Variants in ARMH4 observed in about 807,000 individuals in gnomAD.
The protein encoded by ARMH4 is armadillo-like helical domain-containing protein 4.
In ARMH4, 49 loss-of-function variants were observed where a neutral mutation model predicts 61.9. The ratio of observed to expected loss-of-function variants is 0.79; its 90% CI spans 0.63 to 1.00. ARMH4 has a LOEUF of 1.00. Among genes scored for constraint, ARMH4 ranks in the 50% least tolerant of loss-of-function variants. The probability of loss-of-function intolerance (pLI) is 0.00; values close to 1 mark genes in which losing one functional copy is unlikely to be tolerated. For missense variants in ARMH4, 934 were observed against 930.0 expected (o/e 1.00, Z -0.06); for synonymous variants, 368 against 341.5 (o/e 1.08, Z -0.85).
In ARMH4 at chr14:58,003,886, A is replaced by G. The variant is rs1882065660; in HGVS notation, c.*850T>C. On this transcript the variant is annotated 3_prime_UTR_variant, in exon 8 of 8. Transcript: ENST00000267485. Reference sequence around the variant, plus strand: ...GCATAGAACCAAATGGCAGACAGAAATGCTCTGAGAGCTTACCTACCCTCA... The same window carrying G: ...GCATAGAACCAAATGGCAGACAGAAGTGCTCTGAGAGCTTACCTACCCTCA... 6.6e-6 allele frequency: 1 copy of G among 152,220 alleles called. No individual in the cohort carries two copies. The highest frequency in any genetic ancestry group is 1.5e-5 in the Non-Finnish European group (1 of 68,038). The allele number at this position is 152,220 out of a possible 1,614,324, so 9.4% of individuals were successfully genotyped here.
intron 1 of ARMH4, among the ~76,000 whole-genome samples, chr14:58,148,510 G>A (rs989434179): frequency 2.6e-5 from 4 of 152,122 alleles, no homozygotes; most frequent in African/African-American, 4.8e-5. Flanking sequence ...CACCTCAAAT[G>A]AGATTATGTT....
chr14:58,079,117 G>T (rs1373951737), intron 5 of ARMH4, among the ~76,000 whole-genome samples: 1 of 152,124 alleles, frequency 6.6e-6, no homozygotes, highest in African/African-American at 2.4e-5. Context: ...CTGTAAATGA[G>T]GAATAATGAT....
At chr14:58,077,003 C>T (rs973814892) in intron 5 of ARMH4, among the ~76,000 whole-genome samples, 4 of 152,196 alleles carry the variant, frequency 2.6e-5, no homozygotes, top group African/African-American at 9.7e-5. Context: ...ATACCATAAT[C>T]TTGCTTAGCT....
At chr14:58,071,413 C>T (rs1230480617) in intron 5 of ARMH4, among the ~76,000 whole-genome samples, 1 of 152,040 alleles carries the variant, frequency 6.6e-6, no homozygotes, top group African/African-American at 2.4e-5. Context: ...GATAGAATAA[C>T]TTCATGTTTC....
intron 3 of ARMH4, 33 bp from the exon 4 acceptor site, chr14:58,131,754 A>G: frequency 6.3e-7 from 1 of 1,584,462 alleles, no homozygotes; most frequent in East Asian, 2.2e-5. Flanking sequence ...CTTGACCCAC[A>G]AGATAATCAT....
chr14:58,131,811 T>A (rs144968442), intron 3 of ARMH4, 90 bp from the exon 4 acceptor site: 2 of 1,245,644 alleles, frequency 1.6e-6, no homozygotes, highest in East Asian at 4.6e-5. Flanking sequence ...CAAGAAATGA[T>A]TAAACCAATA....
intron 4 of ARMH4, among the ~76,000 whole-genome samples, chr14:58,115,629 T>C (rs1164068881): frequency 6.6e-6 from 1 of 152,222 alleles, no homozygotes; most frequent in Non-Finnish European, 1.5e-5. Flanking sequence ...CATATGTCCA[T>C]ACCAGCACCA....
chr14:58,058,692 T>C (rs780945549), intron 5 of ARMH4, among the ~76,000 whole-genome samples: 1 of 152,192 alleles, frequency 6.6e-6, no homozygotes, highest in Non-Finnish European at 1.5e-5. Context: ...TTCGTGGCCA[T>C]CTTGGTTTTG....
chr14:58,107,377 C>A (rs1290624995), intron 4 of ARMH4, among the ~76,000 whole-genome samples: 1 of 152,162 alleles, frequency 6.6e-6, no homozygotes, highest in Non-Finnish European at 1.5e-5. Context: ...TTTGAATCAT[C>A]ATCTTTTGCC....
At chr14:58,082,710 A>G (rs1885265324) in intron 5 of ARMH4, among the ~76,000 whole-genome samples, 1 of 152,188 alleles carries the variant, frequency 6.6e-6, no homozygotes, top group Non-Finnish European at 1.5e-5. Flanking sequence ...GAGAGCAGAC[A>G]TTGTTCTGCT....
intron 5 of ARMH4, among the ~76,000 whole-genome samples, chr14:58,015,127 C>T (rs1400363637): frequency 6.6e-5 from 10 of 152,138 alleles, no homozygotes; most frequent in African/African-American, 1.7e-4. Flanking sequence ...CAGGCTTCAC[C>T]GGTAAACTGT....
chr14:58,131,393 A>C (rs1367949928), intron 4 of ARMH4, 119 bp downstream of exon 4: 11 of 752,608 alleles, frequency 1.5e-5, no homozygotes, highest in Non-Finnish European at 6.3e-6. Context: ...GCTGTAGTTT[A>C]CTGTCCTCTG....
At chr14:58,049,245 A>C (rs1884054114) in intron 5 of ARMH4, among the ~76,000 whole-genome samples, 1 of 151,914 alleles carries the variant, frequency 6.6e-6, no homozygotes, top group Non-Finnish European at 1.5e-5. Flanking sequence ...TCCCAAAAAA[A>C]AAAAAAAAAG....
intron 5 of ARMH4, among the ~76,000 whole-genome samples, chr14:58,052,476 C>T (rs1367224663): frequency 2.6e-5 from 4 of 152,072 alleles, no homozygotes; most frequent in East Asian, 3.8e-4. Flanking sequence ...TTTTATTTTC[C>T]GAGCTGTCCG....
intron 2 of ARMH4, among the ~76,000 whole-genome samples, chr14:58,133,551 TAAAG>T (rs1240942088): frequency 6.6e-6 from 1 of 152,072 alleles, no homozygotes; most frequent in Non-Finnish European, 1.5e-5. Context: ...ACAACAGAGA[TAAAG>T]AAGTTCATGG....
intron 5 of ARMH4, among the ~76,000 whole-genome samples, chr14:58,029,377 G>T (rs189512995): frequency 6.6e-6 from 1 of 152,256 alleles, no homozygotes; most frequent in African/African-American, 2.4e-5. Flanking sequence ...GGGATTACAG[G>T]CATGTGTCAC....
intron 5 of ARMH4, among the ~76,000 whole-genome samples, chr14:58,072,671 G>A (rs1054776275): frequency 1.7e-4 from 26 of 151,948 alleles, no homozygotes; most frequent in Middle Eastern, 3.4e-3. Flanking sequence ...GCAGCGAGCC[G>A]AGATCGCACC....
intron 5 of ARMH4, among the ~76,000 whole-genome samples, chr14:58,094,540 G>A (rs1365577363): frequency 6.6e-6 from 1 of 152,132 alleles, no homozygotes; most frequent in African/African-American, 2.4e-5. Flanking sequence ...ATACTAGTCA[G>A]CTATATATAT....
rs896243416 is a variant in ARMH4 at position 58,091,213 on chromosome 14, C to CA, written c.2089+5510dup. On this transcript the variant is annotated intron_variant, in intron 5 of 7. Transcript: ENST00000267485. ...GGCAACAAAGTAAGACTCCATCTCA[C>CA]AAAAAAAAAAGGAAAGAAAGAAGCA... 4.1e-3 allele frequency among the ~76,000 whole-genome samples: 578 copies of CA among 140,940 alleles called. 1 individual carries two copies. The highest frequency in any genetic ancestry group is 0.014 in the African/African-American group (523 of 38,452). 92.5% of individuals were successfully genotyped at this position (140,940 alleles called of 152,430 possible). A position where few individuals can be genotyped will look rare whatever the true frequency, so the allele number is the denominator to read the frequency against.
Sources: gnomAD v4.1 joint callset for allele counts (sites outside exome capture counted in the v4.1 genomes callset) on GRCh38, gnomAD v4.1.1 for gene constraint, MANE v1.5 for transcripts, NCBI Gene and HGNC (gene_info 2026-07-23, HGNC 2026-07-21) for gene names.